Variants in SDK1 observed in about 807,000 individuals in gnomAD.
The protein encoded by SDK1 is protein sidekick-1.
SDK1 carries 157 observed loss-of-function variants against 245.5 expected under a neutral mutation model. The ratio of observed to expected loss-of-function variants is 0.64; its 90% CI spans 0.56 to 0.73. The LOEUF (loss-of-function observed/expected upper bound fraction) is 0.73. SDK1 is among the 30% of genes least tolerant of loss of function. The probability of loss-of-function intolerance (pLI) is 0.00; values close to 1 mark genes in which losing one functional copy is unlikely to be tolerated. For synonymous variants in SDK1, 1,647 were observed against 1,278.5 expected, an observed-to-expected ratio of 1.29 and a Z score of -6.15; for missense variants, 3,583 against 3,002.3, an observed-to-expected ratio of 1.19 and a Z score of -4.52.
intron 1 of SDK1, among the ~76,000 whole-genome samples, chr7:3,505,095 T>G (rs958138282): frequency 1.3e-5 from 2 of 152,220 alleles, no homozygotes; most frequent in African/African-American, 4.8e-5. Flanking sequence ...TTAAAAAATA[T>G]AGCTTGTACA....
intron 1 of SDK1, among the ~76,000 whole-genome samples, chr7:3,607,156 TTTTTTTAG>T (rs1781451097): frequency 6.6e-6 from 1 of 152,184 alleles, no homozygotes; most frequent in South Asian, 2.1e-4. Context: ...AGGCCCTTTT[TTTTTTTAG>T]TTTTTAAAAT....
At chr7:3,460,885 A>T (rs1780812600) in intron 1 of SDK1, among the ~76,000 whole-genome samples, 1 of 152,192 alleles carries the variant, frequency 6.6e-6, no homozygotes. Context: ...AATAAGTCTT[A>T]GACTAGATTC....
At position 3,627,874 on chromosome 7, in the gene SDK1, A is replaced by G. The variant is rs371019216; in HGVS notation, c.458+8635A>G. ...CCCACCCCCATTGGGCTATTTACAT[A>G]TGACTTTCTTGTTTCTGAATTTCCA... On this transcript the variant is annotated intron_variant, in intron 2 of 44. Coordinates refer to ENST00000404826, the MANE Select transcript of SDK1 (RefSeq NM_152744.4). Among the ~76,000 whole-genome samples, 192 of 152,244 alleles carry G rather than the reference A, an allele frequency of 1.3e-3. No homozygotes were observed. The Middle Eastern group carries it at 0.027, about 22-fold the overall frequency.
chr7:3,328,530 A>G (rs1167531601), intron 1 of SDK1, among the ~76,000 whole-genome samples: 1 of 152,110 alleles, frequency 6.6e-6, no homozygotes, highest in Non-Finnish European at 1.5e-5. Context: ...ATATAAAAAA[A>G]CTTGGTTAAA....
At chr7:3,906,606 C>G (rs1778945598) in intron 5 of SDK1, among the ~76,000 whole-genome samples, 1 of 136,702 alleles carries the variant, frequency 7.3e-6, no homozygotes, top group African/African-American at 2.6e-5. Context: ...ACACAGGTAG[C>G]ATTTCAGTGT....
At chr7:3,452,556 T>C (rs1052742972) in intron 1 of SDK1, among the ~76,000 whole-genome samples, 3 of 152,170 alleles carry the variant, frequency 2.0e-5, no homozygotes, top group African/African-American at 2.4e-5. Context: ...AATGTCACAT[T>C]GAGAGGACTT....
At chr7:3,539,695 C>T (rs990311143) in intron 1 of SDK1, among the ~76,000 whole-genome samples, 8 of 152,290 alleles carry the variant, frequency 5.3e-5, no homozygotes, top group South Asian at 2.1e-4. Flanking sequence ...AATGAGGCAG[C>T]GATCACCATG....
chr7:3,592,752 C>T (rs771492781), intron 1 of SDK1, among the ~76,000 whole-genome samples: 4 of 152,172 alleles, frequency 2.6e-5, no homozygotes, highest in Non-Finnish European at 4.4e-5. Flanking sequence ...ATATAAAGAA[C>T]TTTGCTCTAT....
rs1208498096 is a variant in SDK1, at chr7:3,631,621, A to T, written c.459-7383A>T. 2.0e-5 allele frequency among the ~76,000 whole-genome samples: 3 copies of T among 152,154 alleles called. No homozygotes were observed. The East Asian group carries it at 5.8e-4, about 29-fold the overall frequency. On this transcript the variant is annotated intron_variant, in intron 2 of 44. Transcript: ENST00000404826. Reference sequence around the variant, plus strand: ...TCCCCACAAAGTTGAGTGTTTTTGTATTTCTGGCTTCAGTTTGACTGCTTT... The same window carrying T: ...TCCCCACAAAGTTGAGTGTTTTTGTTTTTCTGGCTTCAGTTTGACTGCTTT...
chr7:3,855,545 C>T (rs1219661181), intron 5 of SDK1, among the ~76,000 whole-genome samples: 1 of 151,942 alleles, frequency 6.6e-6, no homozygotes, highest in South Asian at 2.1e-4. Context: ...CAACAGAAGA[C>T]TAGGAGAAAT....
At chr7:3,977,398 TG>T (rs1562606538) in intron 13 of SDK1, among the ~76,000 whole-genome samples, 4 of 107,034 alleles carry the variant, frequency 3.7e-5, no homozygotes, top group Non-Finnish European at 9.1e-5. Flanking sequence ...AGAGAATCAC[TG>T]GGGGTCCCGG....
chr7:3,497,969 T>C (rs1043595312), intron 1 of SDK1, among the ~76,000 whole-genome samples: 1 of 152,198 alleles, frequency 6.6e-6, no homozygotes, highest in Non-Finnish European at 1.5e-5. Flanking sequence ...AGTGACCTTA[T>C]CACGGAGACA....
chr7:3,958,600 A>T (rs144238386), intron 7 of SDK1, among the ~76,000 whole-genome samples: 2 of 152,358 alleles, frequency 1.3e-5, no homozygotes, highest in African/African-American at 4.8e-5. Context: ...TACTGAAGCA[A>T]ACTAGCCCAT....
At chr7:3,621,286 C>G (rs957360) in intron 2 of SDK1, among the ~76,000 whole-genome samples, 49,658 of 152,014 alleles carry the variant, frequency 0.33, 8,366 homozygotes, top group South Asian at 0.45. Flanking sequence ...AGTTCAGGGA[C>G]TTGCTCTTCA....
chr7:3,660,299 T>C (rs999910806), intron 4 of SDK1, among the ~76,000 whole-genome samples: 1 of 151,816 alleles, frequency 6.6e-6, no homozygotes, highest in African/African-American at 2.4e-5. Flanking sequence ...CCCAATACCA[T>C]GGACCACCAA....
intron 5 of SDK1, among the ~76,000 whole-genome samples, chr7:3,895,856 G>A (rs1187508008): frequency 6.6e-6 from 1 of 152,138 alleles, no homozygotes; most frequent in East Asian, 1.9e-4. Flanking sequence ...TTATTTATAA[G>A]TGTGTTGTTA....
intron 3 of SDK1, 36 bp from the exon 4 acceptor site, chr7:3,641,922 T>C (rs1171813052): frequency 6.3e-7 from 1 of 1,589,158 alleles, no homozygotes; most frequent in Non-Finnish European, 8.6e-7. Context: ...CCAAAAATGT[T>C]TTCTAGAACT....
At chr7:3,593,068 T>G (rs1426682367) in intron 1 of SDK1, among the ~76,000 whole-genome samples, 2 of 152,214 alleles carry the variant, frequency 1.3e-5, no homozygotes, top group Non-Finnish European at 2.9e-5. Flanking sequence ...GAAGAGAATT[T>G]TGCCTCTGTC....
chr7:3,814,720 C>T (rs1277515880), intron 4 of SDK1, among the ~76,000 whole-genome samples: 66 of 151,438 alleles, frequency 4.4e-4, no homozygotes, highest in Non-Finnish European at 8.4e-4. Context: ...GCCATTTTCA[C>T]GATATTGATT....
Sources: allele counts gnomAD v4.1 joint callset (sites outside exome capture counted in the v4.1 genomes callset), GRCh38; gene constraint gnomAD v4.1.1; transcripts MANE v1.5; gene names NCBI Gene and HGNC (gene_info 2026-07-23, HGNC 2026-07-21).